SRRM2: variants seen among roughly 807,000 people sequenced by gnomAD.
SRRM2 encodes serine/arginine repetitive matrix 2.
Under a neutral mutation model 213.8 loss-of-function variants are expected in SRRM2, and 30 were observed. The ratio of observed to expected loss-of-function variants is 0.14; its 90% confidence interval spans 0.10 to 0.19. The LOEUF (loss-of-function observed/expected upper bound fraction) is 0.19, where lower values mean the gene tolerates loss of function less well. Ranked by LOEUF, SRRM2 falls within the 10% of genes least tolerant of loss-of-function variation. The pLI is 1.00. For missense variants in SRRM2, 4,904 were observed against 3,647.0 expected (o/e 1.34, Z -8.88); for synonymous variants, 2,025 against 1,377.7 (o/e 1.47, Z -10.40).
intron 4 of SRRM2, 151 bp downstream of exon 4, chr16:2,758,096 T>TA (rs766359344): frequency 4.4e-6 from 4 of 900,216 alleles, no homozygotes; most frequent in Non-Finnish European, 6.7e-6. Flanking sequence ...GTCCAAGGGT[T>TA]AGTCACAGTG....
In SRRM2 at chr16:2,764,111, A is replaced by G; in HGVS notation, c.3583A>G (p.Arg1195Gly). Residue 1195 changes from arginine to glycine, a missense_variant, in exon 11 of 15, where the codon AGG (arginine) becomes GGG (glycine). Coordinates refer to ENST00000301740, the MANE Select transcript of SRRM2 (RefSeq NM_016333.4). Reference protein sequence around the residue: ...DKFSPFPVQDRPESSLVFKDT... With the variant: ...DKFSPFPVQDGPESSLVFKDT... ...ATTTAGTCCCTTTCCAGTACAGGAT[A>G]GGCCTGAGTCTTCACTGGTATTCAA... 1 of 1,614,188 alleles carries G rather than the reference A, an allele frequency of 6.2e-7. No individual in the cohort carries two copies.
In SRRM2 at chr16:2,766,368, G is replaced by A. The variant is rs200895450; in HGVS notation, c.5840G>A (p.Arg1947His). ...ACGCCAACAACACGCCGCCGCTCCC[G>A]TTCTAGAACTCCACCAGTGACTCGC... ...SRTPTTRRRS[R>H]SRTPPVTRRR... is the part of the protein sequence containing the mutation. Residue 1947 changes from arginine to histidine, a missense_variant, in exon 11 of 15, where the codon CGT becomes CAT. By Grantham distance (29) the Arg-to-His change is conservative. Coordinates refer to ENST00000301740, the MANE Select transcript of SRRM2 (RefSeq NM_016333.4). The surrounding 1 kb of genome is among the most constrained non-coding windows in gnomAD (Gnocchi z 7.0). 30 of 1,614,116 alleles carry A rather than the reference G, an allele frequency of 1.9e-5. 1 individual carries two copies. The highest frequency in any genetic ancestry group is 1.8e-4 in the East Asian group (8 of 44,886).
chr16:2,764,210 G>T lies in SRRM2; in HGVS notation c.3682G>T (p.Ala1228Ser). ...SSPETKEQNS[A>S]LPTSSQDEEL... Reference sequence around the variant, plus strand: ...TCCAGAAACAAAAGAGCAAAATAGTGCATTGCCTACGTCAAGCCAAGATGA... The same window carrying T: ...TCCAGAAACAAAAGAGCAAAATAGTTCATTGCCTACGTCAAGCCAAGATGA... The change falls in exon 11 of 15, where the codon GCA (alanine) becomes TCA (serine). Residue 1228 changes from alanine (A) to serine (S), a missense_variant. Physicochemically the swap from Ala to Ser is moderately conservative, Grantham distance 99. Coordinates refer to ENST00000301740, the MANE Select transcript of SRRM2 (RefSeq NM_016333.4). The T allele has an allele frequency of 6.2e-7, 1 of 1,614,234 alleles. No homozygotes were observed. Among genetic ancestry groups the T allele is most frequent in the Non-Finnish European group, 8.5e-7 (1 of 1,180,054 alleles).
chr16:2,768,331 G>T, intron 11 of SRRM2, 70 bp downstream of exon 11: 1 of 1,478,622 alleles, frequency 6.8e-7, no homozygotes, highest in Non-Finnish European at 9.0e-7. Flanking sequence ...AGTGGGGAGG[G>T]AGAAACCATG....
rs751241714 is a variant in SRRM2 at position 2,768,823 on chromosome 16, G to C, written c.7734-174G>C. Reference sequence around the variant, plus strand: ...CCAGCCTGTTGCTTCTGTTAGCAGAGGTTGGGTCAGCTCGCACCACTGCTC... The same window carrying C: ...CCAGCCTGTTGCTTCTGTTAGCAGACGTTGGGTCAGCTCGCACCACTGCTC... On this transcript the variant is annotated intron_variant, in intron 11 of 14. Coordinates refer to ENST00000301740, the MANE Select transcript of SRRM2 (RefSeq NM_016333.4). The C allele has an allele frequency of 4.5e-6, 6 of 1,327,032 alleles. No individual in the cohort carries two copies. In the South Asian group the frequency reaches 7.6e-5, roughly 17 times the overall value. The allele number at this position is 1,327,032 out of a possible 1,614,324, so 82.2% of individuals were successfully genotyped here.
In SRRM2 at chr16:2,761,747, A is replaced by G. The variant is rs141738764; in HGVS notation, c.1219A>G (p.Lys407Glu). ...ASPTRDRSPPKSPEKLPQSSS... is the reference protein window; with the variant it reads ...ASPTRDRSPPESPEKLPQSSS... ...TCCAACTCGGGACCGTTCACCACCT[A>G]AGTCTCCCGAGAAACTTCCCCAGTC... is the stretch of plus-strand genomic sequence containing the variant. Residue 407 changes from lysine to glutamate, a missense_variant, in exon 11 of 15, where the codon AAG becomes GAG. Transcript: ENST00000301740. The G allele has an allele frequency of 1.9e-6, 3 of 1,612,538 alleles. No individual in the cohort carries two copies. In the African/African-American group the frequency reaches 4.0e-5, roughly 22 times the overall value.
chr16:2,753,862 C>G (rs1268055043), intron 1 of SRRM2, among the ~76,000 whole-genome samples: 3 of 152,200 alleles, frequency 2.0e-5, no homozygotes, highest in Non-Finnish European at 2.9e-5. Context: ...GCTGGCTGTG[C>G]TTGCTGATGT....
rs1453712613 is a variant in SRRM2 at position 2,762,625 on chromosome 16, A to T, written c.2097A>T (p.Arg699=). Residue 699 remains arginine (R), a synonymous_variant, in exon 11 of 15, where the codon CGA becomes CGT. Transcript: ENST00000301740. ...GGTCTCGGTCTAGGACACCAAGACG[A>T]GGAAGATCCCGCAGTAGAAGCTTAG... ...RGRSRSRTPR[R]GRSRSRSLVR... 6.2e-7 allele frequency: 1 copy of T among 1,614,168 alleles called. No homozygotes were observed. The highest frequency in any genetic ancestry group is 8.5e-7 in the Non-Finnish European group (1 of 1,180,018).
At position 2,770,685 on chromosome 16, in the gene SRRM2, T is replaced by C. The variant is rs1422063102; in HGVS notation, c.8217T>C (p.Pro2739=). The C allele has an allele frequency of 1.3e-6, 2 of 1,556,626 alleles. No individual in the cohort carries two copies. Among genetic ancestry groups the C allele is most frequent in the South Asian group, 2.4e-5 (2 of 84,802 alleles). The change falls in exon 14 of 15, where the codon CCT becomes CCC. Residue 2739 remains proline, a synonymous_variant. Coordinates refer to ENST00000301740, the MANE Select transcript of SRRM2 (RefSeq NM_016333.4). ...GCCACAAGCGCAGGAGGGAGACACC[T>C]AGCCCTCGGCCCATGAGACACCGCT... The part of the protein sequence containing the change: ...SPSHKRRRET[P]SPRPMRHRSS...
Position 2,770,892 on chromosome 16 carries a change from A to C in SRRM2, c.*25A>C. ...AATTGTCTTTGGGGGATTCCACCAC[A>C]CCCAATGCTCTGGAGCCACAAGGAG... is the stretch of plus-strand genomic sequence containing the variant. On this transcript the variant is annotated 3_prime_UTR_variant, in exon 15 of 15. Transcript: ENST00000301740. 1.9e-6 allele frequency: 3 copies of C among 1,613,378 alleles called. No homozygotes were observed. The highest frequency in any genetic ancestry group is 1.7e-4 in the Middle Eastern group (1 of 5,786).
Position 2,767,856 on chromosome 16 carries a change from C to G in SRRM2, c.7328C>G (p.Ala2443Gly). Residue 2443 changes from alanine (A) to glycine (G), a missense_variant, in exon 11 of 15, where the codon GCA (alanine) becomes GGA (glycine). Coordinates refer to ENST00000301740, the MANE Select transcript of SRRM2 (RefSeq NM_016333.4). ...CCTTCACAGTCTCTTCTCCCTCCAG[C>G]ACAGGATCAGCCGAGGTCTCCTGTG... is the stretch of plus-strand genomic sequence containing the variant. ...QAPSQSLLPP[A>G]QDQPRSPVPS... The G allele has an allele frequency of 1.9e-6, 3 of 1,614,164 alleles. No homozygotes were observed. The highest frequency in any genetic ancestry group is 2.5e-6 in the Non-Finnish European group (3 of 1,180,030).
chr16:2,764,742 C>G lies in SRRM2; in HGVS notation c.4214C>G (p.Pro1405Arg). 1 of 1,614,176 alleles carries G rather than the reference C, an allele frequency of 6.2e-7. No individual in the cohort carries two copies. The highest frequency in any genetic ancestry group is 8.5e-7 in the Non-Finnish European group (1 of 1,180,034). The change falls in exon 11 of 15, where the codon CCT (proline) becomes CGT (arginine). Residue 1405 changes from proline (P) to arginine (R), a missense_variant. By Grantham distance (103) the Pro-to-Arg change is moderately radical (BLOSUM62 -2). Coordinates refer to ENST00000301740, the MANE Select transcript of SRRM2 (RefSeq NM_016333.4). Reference sequence around the variant, plus strand: ...TCTTCAAATCAGAGCATCTCTTCACCTGTGCTTGATGCTGTACCCAGAACA... The same window carrying G: ...TCTTCAAATCAGAGCATCTCTTCACGTGTGCTTGATGCTGTACCCAGAACA... ...GMSSNQSISS[P>R]VLDAVPRTPS...
In SRRM2 at chr16:2,764,488, C is replaced by G; in HGVS notation, c.3960C>G (p.Ser1320=). Residue 1320 remains serine, a synonymous_variant, in exon 11 of 15, where the codon TCC becomes TCG. Transcript: ENST00000301740. ...CAGAACATAAAGAACTGTCTAACTCCCCACTCAGGGAGAACAGCTTTGGAT... is the reference window on the plus strand; with the variant it reads ...CAGAACATAAAGAACTGTCTAACTCGCCACTCAGGGAGAACAGCTTTGGAT... ...FSPEHKELSN[S]PLRENSFGSP... 1 of 1,614,124 alleles carries G rather than the reference C, an allele frequency of 6.2e-7. No homozygotes were observed. Among genetic ancestry groups the G allele is most frequent in the East Asian group, 2.2e-5 (1 of 44,888 alleles).
chr16:2,765,350 C>G lies in SRRM2; in HGVS notation c.4822C>G (p.Pro1608Ala). The G allele has an allele frequency of 6.2e-7, 1 of 1,614,168 alleles. No homozygotes were observed. The highest frequency in any genetic ancestry group is 8.5e-7 in the Non-Finnish European group (1 of 1,180,036). Residue 1608 changes from proline to alanine, a missense_variant, in exon 11 of 15, where the codon CCA becomes GCA. By Grantham distance (27) the Pro-to-Ala change is conservative (BLOSUM62 -1). Coordinates refer to ENST00000301740, the MANE Select transcript of SRRM2 (RefSeq NM_016333.4). ...SGSSPEVKDK[P>A]RAAPRAQSGS... ...TTCCTCCCCTGAAGTGAAAGATAAG[C>G]CAAGAGCAGCACCCAGGGCACAGAG...
rs572315119 is a variant in SRRM2, at chr16:2,761,925, G to A, written c.1397G>A (p.Arg466Gln). ...SPTSKNRSHG[R>Q]AKRDKSHSHT... is the part of the protein sequence containing the mutation. ...ACATCTAAGAATCGCTCACATGGCCGAGCAAAACGGGATAAATCACATTCT... is the reference window on the plus strand; with the variant it reads ...ACATCTAAGAATCGCTCACATGGCCAAGCAAAACGGGATAAATCACATTCT... The change falls in exon 11 of 15, where the codon CGA becomes CAA. Residue 466 changes from arginine to glutamine, a missense_variant. Arg to Gln is a conservative substitution (Grantham distance 43, BLOSUM62 1). Transcript: ENST00000301740. 6.3e-5 allele frequency: 102 copies of A among 1,613,800 alleles called. No homozygotes were observed. The highest frequency in any genetic ancestry group is 3.3e-4 in the South Asian group (30 of 91,070).
chr16:2,760,135 T>C (rs753087144), intron 9 of SRRM2, 166 bp from the exon 10 acceptor site: 2 of 676,576 alleles, frequency 3.0e-6, no homozygotes, highest in Non-Finnish European at 5.0e-6. Flanking sequence ...AGAACCAAAG[T>C]GGACTGTACT....
At position 2,765,914 on chromosome 16, in the gene SRRM2, T is replaced by C; in HGVS notation, c.5386T>C (p.Ser1796Pro). Residue 1796 changes from serine to proline, a missense_variant, in exon 11 of 15, where the codon TCA (serine) becomes CCA (proline). Transcript: ENST00000301740. ...TCGAGATAGGTCTGGATCTTCTCAGTCAACCTCTCGGCGAAGACAGCGGAG... is the reference window on the plus strand; with the variant it reads ...TCGAGATAGGTCTGGATCTTCTCAGCCAACCTCTCGGCGAAGACAGCGGAG... ...RRRDRSGSSQ[S>P]TSRRRQRSRS... is the part of the protein sequence containing the mutation. The C allele has an allele frequency of 6.2e-7, 1 of 1,614,040 alleles. No individual in the cohort carries two copies. Among genetic ancestry groups the C allele is most frequent in the Non-Finnish European group, 8.5e-7 (1 of 1,180,014 alleles).
At chr16:2,754,713 G>C (rs1264947599) in intron 1 of SRRM2, among the ~76,000 whole-genome samples, 2 of 152,256 alleles carry the variant, frequency 1.3e-5, no homozygotes, top group Non-Finnish European at 2.9e-5. Flanking sequence ...CAGAAATTAA[G>C]TGGGGTAGGG....
chr16:2,758,007 T>A (rs2068208404), intron 4 of SRRM2, 62 bp downstream of exon 4: 1 of 1,541,948 alleles, frequency 6.5e-7, no homozygotes, highest in Non-Finnish European at 8.7e-7. Context: ...CATGCTCTAT[T>A]TTTGTCTTTT....
Sources: gnomAD v4.1 joint callset for allele counts (sites outside exome capture counted in the v4.1 genomes callset) on GRCh38, gnomAD v4.1.1 for gene constraint, Gnocchi (gnomAD v3.1) non-coding constraint, MANE v1.5 for transcripts, NCBI Gene and HGNC (gene_info 2026-07-23, HGNC 2026-07-21) for gene names.